MALRD1: variants seen among roughly 807,000 people sequenced by gnomAD.
The protein encoded by MALRD1 is MAM and LDL-receptor class A domain-containing protein 1.
MALRD1 carries 247 observed loss-of-function variants against 242.1 expected under a neutral mutation model. That is an observed-to-expected ratio of 1.02 (90% confidence interval 0.92 to 1.13). The LOEUF (loss-of-function observed/expected upper bound fraction) is 1.13. Ranked by LOEUF, MALRD1 falls within the 50% of genes most tolerant of loss-of-function variation. The pLI, the probability that MALRD1 is intolerant of heterozygous loss-of-function variation, is 0.00. For missense variants in MALRD1, 2,989 were observed against 2,533.1 expected, an observed-to-expected ratio of 1.18 and a Z score of -3.86; for synonymous variants, 995 against 866.6, an observed-to-expected ratio of 1.15 and a Z score of -2.60.
Position 19,066,861 on chromosome 10 carries a change from T to G in MALRD1, c.340+2T>G, listed in dbSNP as rs936909180. 5.8e-5 allele frequency: 71 copies of G among 1,233,394 alleles called. No homozygotes were observed. Among genetic ancestry groups the G allele is most frequent in the Non-Finnish European group, 6.7e-5 (66 of 987,896 alleles). 76.4% of individuals were successfully genotyped at this position (1,233,394 alleles called of 1,614,324 possible). ...ATGATCACAATGGTGATGTGTCTGG[T>G]AAATGCTTTAAATTTATTTTCTCCC... On this transcript the variant is annotated splice_donor_variant, in intron 2 of 39. Transcript: ENST00000454679. LOFTEE classifies it high-confidence loss of function.
chr10:19,434,096 T>G (rs1024441072), intron 28 of MALRD1, among the ~76,000 whole-genome samples: 1 of 152,126 alleles, frequency 6.6e-6, no homozygotes, highest in African/African-American at 2.4e-5. Flanking sequence ...TCTTCATAAT[T>G]TGCATTAAAA....
intron 28 of MALRD1, among the ~76,000 whole-genome samples, chr10:19,432,347 C>A (rs1488030690): frequency 6.6e-6 from 1 of 152,126 alleles, no homozygotes; most frequent in Non-Finnish European, 1.5e-5. Context: ...GTTTATTTTA[C>A]ATTTGTGCAA....
chr10:19,162,738 G>T (rs923551492), intron 12 of MALRD1, among the ~76,000 whole-genome samples: 3 of 152,004 alleles, frequency 2.0e-5, no homozygotes, highest in African/African-American at 7.3e-5. Context: ...TTCAACCATT[G>T]CAGAAAGCAG....
chr10:19,482,308 A>G (rs1328227795), intron 29 of MALRD1, among the ~76,000 whole-genome samples: 2 of 152,058 alleles, frequency 1.3e-5, no homozygotes, highest in African/African-American at 2.4e-5. Flanking sequence ...CTGTCCAAAG[A>G]TAATTTATCA....
chr10:19,692,091 A>G (rs1833096232), intron 36 of MALRD1, among the ~76,000 whole-genome samples, 191 bp from the exon 37 acceptor site: 3 of 152,178 alleles, frequency 2.0e-5, no homozygotes, highest in African/African-American at 7.2e-5. Context: ...TATCTTACAC[A>G]ATGATATGAA....
At chr10:19,316,637 A>C (rs1842718048) in intron 21 of MALRD1, among the ~76,000 whole-genome samples, 2 of 151,814 alleles carry the variant, frequency 1.3e-5, no homozygotes, top group South Asian at 4.1e-4. Context: ...CACAACGAGG[A>C]ATGATCTGCT....
chr10:19,304,666 G>A (rs1424786826), intron 21 of MALRD1, among the ~76,000 whole-genome samples: 1 of 151,690 alleles, frequency 6.6e-6, no homozygotes, highest in East Asian at 1.9e-4. Flanking sequence ...ATGTTGATTT[G>A]TGTTTGAAAA....
At chr10:19,305,775 T>C (rs1281821558) in intron 21 of MALRD1, among the ~76,000 whole-genome samples, 1 of 143,228 alleles carries the variant, frequency 7.0e-6, no homozygotes, top group Non-Finnish European at 1.5e-5. Flanking sequence ...ATATACACTA[T>C]ACTATATATT....
chr10:19,598,117 G>A (rs1474224887), intron 34 of MALRD1: 1 of 152,148 alleles, frequency 6.6e-6, no homozygotes, highest in Non-Finnish European at 1.5e-5. Flanking sequence ...TGAGGAAGAG[G>A]GAATGGTTAG....
At chr10:19,649,913 G>A (rs1045958987) in intron 36 of MALRD1, among the ~76,000 whole-genome samples, 1 of 152,084 alleles carries the variant, frequency 6.6e-6, no homozygotes, top group African/African-American at 2.4e-5. Context: ...TATGGTGTGA[G>A]GAAGGTTTCC....
chr10:19,235,004 A>T (rs1042842443), intron 18 of MALRD1, among the ~76,000 whole-genome samples: 1 of 152,180 alleles, frequency 6.6e-6, no homozygotes, highest in Non-Finnish European at 1.5e-5. Context: ...GTGGGAAACA[A>T]CTAAAAAGTT....
chr10:19,411,056 C>T lies in MALRD1; in HGVS notation c.4845+21447C>T, dbSNP rs375998621. ...CAGGATTATTATAATATGAAATCTG[C>T]GACTTTTTGAATGAGAAGACTTTAA... On this transcript the variant is annotated intron_variant, in intron 28 of 39. Coordinates refer to ENST00000454679, the MANE Select transcript of MALRD1 (RefSeq NM_001142308.3). Among the ~76,000 whole-genome samples, 28 of 152,098 alleles carry T rather than the reference C, an allele frequency of 1.8e-4. No individual in the cohort carries two copies. In the South Asian group the frequency reaches 3.7e-3, roughly 20 times the overall value.
At chr10:19,696,006 T>C (rs1236845571) in intron 38 of MALRD1, among the ~76,000 whole-genome samples, 1 of 152,118 alleles carries the variant, frequency 6.6e-6, no homozygotes, top group African/African-American at 2.4e-5. Context: ...TTATTACAAT[T>C]TAAGGTGAGA....
intron 23 of MALRD1, among the ~76,000 whole-genome samples, chr10:19,330,774 C>T (rs1843326593): frequency 1.3e-5 from 2 of 151,748 alleles, no homozygotes; most frequent in South Asian, 2.1e-4. Flanking sequence ...CATTGTCAAA[C>T]AATAGGACAC....
chr10:19,660,282 T>C (rs1375709809), intron 36 of MALRD1, among the ~76,000 whole-genome samples: 1 of 152,164 alleles, frequency 6.6e-6, no homozygotes, highest in Non-Finnish European at 1.5e-5. Context: ...TTTCTTCTTT[T>C]TCTCTGTGAC....
intron 4 of MALRD1, among the ~76,000 whole-genome samples, chr10:19,096,719 T>C (rs931906834): frequency 2.0e-5 from 3 of 152,206 alleles, no homozygotes; most frequent in Non-Finnish European, 4.4e-5. Context: ...CTCAAGAACT[T>C]ACAAGCCTCT....
At chr10:19,229,704 C>A (rs2131690540) in intron 18 of MALRD1, among the ~76,000 whole-genome samples, 1 of 152,268 alleles carries the variant, frequency 6.6e-6, no homozygotes, top group Admixed American at 6.5e-5. Flanking sequence ...ACTATAACAA[C>A]AACAGGCACC....
At chr10:19,715,632 C>A (rs1834346244) in intron 38 of MALRD1, among the ~76,000 whole-genome samples, 1 of 152,166 alleles carries the variant, frequency 6.6e-6, no homozygotes, top group Non-Finnish European at 1.5e-5. Context: ...ATTTGGACTG[C>A]TATAAAGAAA....
At position 19,372,234 on chromosome 10, in the gene MALRD1, T is replaced by A. The variant is rs186076277; in HGVS notation, c.4442-15294T>A. Among the ~76,000 whole-genome samples the A allele has an allele frequency of 1.9e-4, 29 of 152,270 alleles. 1 individual carries two copies. Among genetic ancestry groups the A allele is most frequent in the African/African-American group, 6.3e-4 (26 of 41,570 alleles). On this transcript the variant is annotated intron_variant, in intron 26 of 39. Transcript: ENST00000454679. ...TGGATATACATTTAAACAAAAATTA[T>A]AACAACTCTTGGATTGTTGAGGGGA...
Sources: gnomAD v4.1 joint callset for allele counts (sites outside exome capture counted in the v4.1 genomes callset) on GRCh38, gnomAD v4.1.1 for gene constraint, MANE v1.5 for transcripts, NCBI Gene and HGNC (gene_info 2026-07-23, HGNC 2026-07-21) for gene names.